Variants in LRFN2 observed in about 807,000 individuals in gnomAD.
LRFN2 encodes leucine rich repeat and fibronectin type III domain containing 2.
Under a neutral mutation model 37.3 loss-of-function variants are expected in LRFN2, and 18 were observed. The observed-to-expected ratio is 0.48, with a 90% CI of 0.33 to 0.72. LRFN2 has a LOEUF of 0.72. Ranked by LOEUF, LRFN2 falls within the 30% of genes least tolerant of loss-of-function variation. LRFN2 has a pLI of 0.02. For synonymous variants in LRFN2, 556 were observed against 466.6 expected (o/e 1.19, Z -2.47); for missense variants, 1,006 against 1,060.7 (o/e 0.95, Z 0.72).
intron 1 of LRFN2, among the ~76,000 whole-genome samples, chr6:40,481,176 C>G (rs1764819794): frequency 6.6e-6 from 1 of 152,148 alleles, no homozygotes; most frequent in Non-Finnish European, 1.5e-5. Flanking sequence ...TGTCTCACGT[C>G]TATAATCCCA....
chr6:40,563,499 T>G (rs1016194699), intron 1 of LRFN2, among the ~76,000 whole-genome samples: 10 of 152,152 alleles, frequency 6.6e-5, no homozygotes, highest in African/African-American at 2.4e-4. Context: ...GCAGTTGTTT[T>G]TAGGGGGTTC....
chr6:40,528,314 T>C (rs2113907443), intron 1 of LRFN2, among the ~76,000 whole-genome samples: 1 of 152,368 alleles, frequency 6.6e-6, no homozygotes, highest in Admixed American at 6.5e-5. Flanking sequence ...ATGCCTGGAT[T>C]CTCAGACACT....
chr6:40,472,381 T>C (rs534260772), intron 1 of LRFN2, among the ~76,000 whole-genome samples: 1 of 152,366 alleles, frequency 6.6e-6, no homozygotes, highest in South Asian at 2.1e-4. Context: ...CTCACTTTTC[T>C]GTAGGCTGAG....
In LRFN2 at chr6:40,392,591, A is replaced by T. The variant is rs890440182; in HGVS notation, c.1722T>A (p.Asn574Lys). ...APSKMAAAVS[N>K]VYSQTNGAQP... is the part of the protein sequence containing the mutation. ...GGGCGCCGTTGGTCTGCGAGTACACATTGCTCACGGCCGCTGCCATCTTGC... is the reference window on the plus strand; with the variant it reads ...GGGCGCCGTTGGTCTGCGAGTACACTTTGCTCACGGCCGCTGCCATCTTGC... The change falls in exon 3 of 3, where the codon AAT becomes AAA. Residue 574 changes from asparagine (N) to lysine (K), a missense_variant. This residue lies in a region of LRFN2 where 398 missense variants were observed against 327.6 expected (regional missense o/e 1.21). Coordinates refer to ENST00000338305, the MANE Select transcript of LRFN2 (RefSeq NM_020737.3). The surrounding 1 kb of genome is among the most constrained non-coding windows in gnomAD (Gnocchi z 4.7). 5.0e-6 allele frequency: 8 copies of T among 1,608,320 alleles called. No individual in the cohort carries two copies. The highest frequency in any genetic ancestry group is 6.8e-6 in the Non-Finnish European group (8 of 1,179,858).
chr6:40,452,787 G>C (rs1206902940), intron 1 of LRFN2, among the ~76,000 whole-genome samples: 1 of 152,164 alleles, frequency 6.6e-6, no homozygotes, highest in Non-Finnish European at 1.5e-5. Flanking sequence ...AGCACACAGA[G>C]AGGAGGTCAC....
chr6:40,515,869 G>C (rs1182787843), intron 1 of LRFN2, among the ~76,000 whole-genome samples: 1 of 148,486 alleles, frequency 6.7e-6, no homozygotes, highest in Non-Finnish European at 1.5e-5. Flanking sequence ...CTCCAGCCTG[G>C]GCAGCAGAGT....
chr6:40,392,999 G>A lies in LRFN2; in HGVS notation c.1401-87C>T. The A allele has an allele frequency of 1.2e-6, 1 of 861,742 alleles. No individual in the cohort carries two copies. The highest frequency in any genetic ancestry group is 1.8e-5 in the South Asian group (1 of 54,622). 53.4% of individuals were successfully genotyped at this position (861,742 alleles called of 1,614,324 possible). A position where few individuals can be genotyped will look rare whatever the true frequency, so the allele number is the denominator to read the frequency against. ...GAGTGGACAGAGGTAGAAACAGAGTGACAGAGATGGGGAGGGGGAGGGGAG... is the reference window on the plus strand; with the variant it reads ...GAGTGGACAGAGGTAGAAACAGAGTAACAGAGATGGGGAGGGGGAGGGGAG... On this transcript the variant is annotated intron_variant, in intron 2 of 2. Transcript: ENST00000338305. This position sits in a 1 kb window ranked among gnomAD's most constrained non-coding sequence, Gnocchi z 4.7.
At chr6:40,542,218 C>A (rs1766566208) in intron 1 of LRFN2, among the ~76,000 whole-genome samples, 1 of 152,196 alleles carries the variant, frequency 6.6e-6, no homozygotes, top group Non-Finnish European at 1.5e-5. Flanking sequence ...CCAGGGGAAG[C>A]CTCACACACC....
chr6:40,431,667 TC>T, intron 2 of LRFN2, 46 bp downstream of exon 2: 2 of 1,475,392 alleles, frequency 1.4e-6, no homozygotes. Flanking sequence ...CCCTCCTCCT[TC>T]CCCAGCCAGA....
intron 1 of LRFN2, among the ~76,000 whole-genome samples, chr6:40,437,454 C>G (rs1446367285): frequency 1.3e-5 from 2 of 152,156 alleles, no homozygotes; most frequent in Non-Finnish European, 1.5e-5. Context: ...TTGTTTCAAA[C>G]AGTTGTGTCC....
chr6:40,446,138 G>GT, intron 1 of LRFN2, among the ~76,000 whole-genome samples: 1 of 152,218 alleles, frequency 6.6e-6, no homozygotes, highest in East Asian at 1.9e-4. Context: ...AAATTCTGCT[G>GT]TTGTCGGTTA....
At chr6:40,410,624 A>G (rs1762946321) in intron 2 of LRFN2, among the ~76,000 whole-genome samples, 1 of 152,240 alleles carries the variant, frequency 6.6e-6, no homozygotes, top group African/African-American at 2.4e-5. Flanking sequence ...AATCATTTAT[A>G]TATATAGTGA....
At chr6:40,448,769 A>G (rs1344472895) in intron 1 of LRFN2, among the ~76,000 whole-genome samples, 1 of 152,212 alleles carries the variant, frequency 6.6e-6, no homozygotes, top group Non-Finnish European at 1.5e-5. Flanking sequence ...GTCCTTTGGC[A>G]GAAGGCAGAA....
At chr6:40,430,965 C>G (rs937033153) in intron 2 of LRFN2, among the ~76,000 whole-genome samples, 1 of 152,076 alleles carries the variant, frequency 6.6e-6, no homozygotes, top group African/African-American at 2.4e-5. Flanking sequence ...GAAGCCAACC[C>G]AGAGAAAAAT....
chr6:40,563,364 A>C (rs1767034985), intron 1 of LRFN2, among the ~76,000 whole-genome samples: 1 of 152,134 alleles, frequency 6.6e-6, no homozygotes, highest in Non-Finnish European at 1.5e-5. Context: ...GGGGCCCTCC[A>C]GGGTCCTGAG....
intron 1 of LRFN2, among the ~76,000 whole-genome samples, chr6:40,497,518 T>C (rs1354795308): frequency 4.6e-5 from 7 of 152,192 alleles, no homozygotes; most frequent in African/African-American, 1.4e-4. Flanking sequence ...TTTCTTCTTT[T>C]CTCAGGCACC....
At chr6:40,415,264 C>T (rs1465268651) in intron 2 of LRFN2, among the ~76,000 whole-genome samples, 1 of 151,872 alleles carries the variant, frequency 6.6e-6, no homozygotes, top group South Asian at 2.1e-4. Context: ...CTTGCTTTGT[C>T]GCCTAGGCTG....
chr6:40,476,355 TTC>T (rs1343776339), intron 1 of LRFN2, among the ~76,000 whole-genome samples: 6 of 152,226 alleles, frequency 3.9e-5, no homozygotes, highest in African/African-American at 1.4e-4. Context: ...CCACTAGAAA[TTC>T]TCTTTGTATG....
At chr6:40,503,845 T>G (rs998590853) in intron 1 of LRFN2, among the ~76,000 whole-genome samples, 2 of 152,008 alleles carry the variant, frequency 1.3e-5, no homozygotes, top group African/African-American at 4.8e-5. Context: ...GACTTTACTA[T>G]GCTCGTTGGA....
Sources: gnomAD v4.1 joint callset for allele counts (sites outside exome capture counted in the v4.1 genomes callset) on GRCh38, gnomAD v4.1.1 for gene constraint, gnomAD v4.1.1 regional missense constraint, Gnocchi (gnomAD v3.1) non-coding constraint, MANE v1.5 for transcripts, NCBI Gene and HGNC (gene_info 2026-07-23, HGNC 2026-07-21) for gene names.